The following MYBPC3 variants were observed in gnomAD, a reference collection of about 807,000 sequenced individuals.
The protein encoded by MYBPC3 is myosin-binding protein C, cardiac-type.
A neutral mutation model predicts 159.3 loss-of-function variants in MYBPC3; 108 were observed. The ratio of observed to expected loss-of-function variants is 0.68; its 90% CI spans 0.58 to 0.80. MYBPC3 has a LOEUF of 0.80. Ranked by LOEUF, MYBPC3 falls within the 30% of genes least tolerant of loss-of-function variation. MYBPC3 has a pLI of 0.00. For missense variants in MYBPC3, 1,631 were observed against 1,762.1 expected, an observed-to-expected ratio of 0.93 and a Z score of 1.33; for synonymous variants, 730 against 702.0, an observed-to-expected ratio of 1.04 and a Z score of -0.63.
rs201598879 is a variant in MYBPC3, at chr11:47,334,565, C to CT, written c.2905+476dup. The stretch of plus-strand genomic sequence containing the variant: ...ATACACCAAGAGAGCCCTTTCTGCA[C>CT]TTTTTTTTTTTTTGAGACGTTGTCT... On this transcript the variant is annotated intron_variant, in intron 27 of 34. Transcript: ENST00000545968. Among the ~76,000 whole-genome samples the CT allele has an allele frequency of 3.9e-3, 565 of 145,620 alleles. 1 individual carries two copies. The highest frequency in any genetic ancestry group is 0.011 in the Middle Eastern group (3 of 280).
chr11:47,334,513 T>G (rs766237041), intron 27 of MYBPC3, among the ~76,000 whole-genome samples: 1 of 151,782 alleles, frequency 6.6e-6, no homozygotes, highest in Non-Finnish European at 1.5e-5. Context: ...GCTTTTACTT[T>G]CCCTGTTCCA....
Position 47,335,123 on chromosome 11 carries a change from A to G in MYBPC3, c.2824T>C (p.Phe942Leu). 1 of 1,612,526 alleles carries G rather than the reference A, an allele frequency of 6.2e-7. No homozygotes were observed. Among genetic ancestry groups the G allele is most frequent in the Non-Finnish European group, 8.5e-7 (1 of 1,179,204 alleles). The change falls in exon 27 of 35, where the codon TTC (phenylalanine) becomes CTC (leucine). Residue 942 changes from phenylalanine (F) to leucine (L), a missense_variant. By Grantham distance (22) the Phe-to-Leu change is conservative (BLOSUM62 0). Transcript: ENST00000545968. ...GCCATATTGTGTGCCCGCACTCGGA[A>G]AAGCAGCCGGGCCCCCGTGGGCAGG... ...KDLPTGARLL[F>L]RVRAHNMAGP...
intron 2 of MYBPC3, 23 bp from the exon 3 acceptor site, chr11:47,350,638 C>A: frequency 6.9e-7 from 1 of 1,454,276 alleles, no homozygotes; most frequent in Non-Finnish European, 9.0e-7. Context: ...AGATGGGAGT[C>A]GTGGTGCAGC....
At chr11:47,349,634 C>A (rs1263657179) in intron 5 of MYBPC3, 140 bp downstream of exon 5, 4 of 1,278,938 alleles carry the variant, frequency 3.1e-6, no homozygotes, top group Non-Finnish European at 4.2e-6. Context: ...GGCCCCTCCA[C>A]CTGCCTCCCA....
intron 25 of MYBPC3, among the ~76,000 whole-genome samples, chr11:47,336,958 T>A (rs891093514): frequency 1.3e-5 from 2 of 152,300 alleles, no homozygotes; most frequent in African/African-American, 4.8e-5. Context: ...CTACAGCCCT[T>A]GCCCCATCCC....
chr11:47,337,933 G>C, intron 23 of MYBPC3, 139 bp from the exon 24 acceptor site: 1 of 597,956 alleles, frequency 1.7e-6, no homozygotes, highest in East Asian at 3.0e-5. Flanking sequence ...TTTCTAGAAT[G>C]CATTTCTTTC....
intron 9 of MYBPC3, 118 bp downstream of exon 9, chr11:47,347,308 G>GA (rs1182207673): frequency 6.5e-7 from 1 of 1,536,660 alleles, no homozygotes; most frequent in African/African-American, 1.4e-5. Flanking sequence ...GACAGACAAG[G>GA]AAACCAACTC....
At position 47,346,144 on chromosome 11, in the gene MYBPC3, C is replaced by G; in HGVS notation, c.1090+63G>C. Reference sequence around the variant, plus strand: ...GGGGAAGGGCTAACCTATGCCCTCTCCTCTCCTGTGTAGGGAAGGGCTAGC... The same window carrying G: ...GGGGAAGGGCTAACCTATGCCCTCTGCTCTCCTGTGTAGGGAAGGGCTAGC... On this transcript the variant is annotated intron_variant, in intron 12 of 34. Coordinates refer to ENST00000545968, the MANE Select transcript of MYBPC3 (RefSeq NM_000256.3). The surrounding 1 kb of genome is among the most constrained non-coding windows in gnomAD (Gnocchi z 5.3). 1 of 1,600,666 alleles carries G rather than the reference C, an allele frequency of 6.2e-7. No individual in the cohort carries two copies. Among genetic ancestry groups the G allele is most frequent in the Non-Finnish European group, 8.5e-7 (1 of 1,172,780 alleles).
At chr11:47,348,624 G>A (rs527992361) in intron 5 of MYBPC3, 83 bp from the exon 6 acceptor site, 1 of 1,110,000 alleles carries the variant, frequency 9.0e-7, no homozygotes, top group Non-Finnish European at 1.3e-6. Context: ...GACTGGGAGT[G>A]GCCGGGCGCG....
intron 20 of MYBPC3, among the ~76,000 whole-genome samples, chr11:47,340,483 T>C (rs371798445): frequency 1.3e-5 from 2 of 152,180 alleles, no homozygotes; most frequent in East Asian, 3.9e-4. Flanking sequence ...GCTAACATGG[T>C]GAAACCCCGT....
chr11:47,344,003 G>A (rs527431153), intron 12 of MYBPC3, among the ~76,000 whole-genome samples: 54 of 152,248 alleles, frequency 3.5e-4, no homozygotes, highest in South Asian at 1.2e-3. Context: ...TGGCCGGGCT[G>A]GTCTTGAAAT....
In MYBPC3 at chr11:47,352,568, A is replaced by G. The variant is rs1478202315; in HGVS notation, c.25+55T>C. 1.0e-5 allele frequency: 16 copies of G among 1,596,246 alleles called. No individual in the cohort carries two copies. In the East Asian group the frequency reaches 1.7e-4, roughly 16 times the overall value. On this transcript the variant is annotated intron_variant, in intron 1 of 34. Coordinates refer to ENST00000545968, the MANE Select transcript of MYBPC3 (RefSeq NM_000256.3). ...AACTCCCTCCTAGCCCTGCTCCCCA[A>G]TTGTAGACACCCCCCTGCTCCCACA...
chr11:47,333,315 T>G lies in MYBPC3; in HGVS notation c.3209A>C (p.Gln1070Pro). 1 of 1,583,908 alleles carries G rather than the reference T, an allele frequency of 6.3e-7. No individual in the cohort carries two copies. Among genetic ancestry groups the G allele is most frequent in the African/African-American group, 1.3e-5 (1 of 74,416 alleles). ...CCAGGCGTCAGTCACCCGGAGATCCTGGGGAGGACTTGGCTTGTCTGCGGG... is the reference window on the plus strand; with the variant it reads ...CCAGGCGTCAGTCACCCGGAGATCCGGGGGAGGACTTGGCTTGTCTGCGGG... ...LQVVDKPSPP[Q>P]DLRVTDAWGL... is the part of the protein sequence containing the mutation. Residue 1070 changes from glutamine (Q) to proline (P), a missense_variant, in exon 30 of 35, where the codon CAG becomes CCG. Physicochemically the swap from Gln to Pro is moderately conservative, Grantham distance 76. Coordinates refer to ENST00000545968, the MANE Select transcript of MYBPC3 (RefSeq NM_000256.3).
At position 47,347,854 on chromosome 11, in the gene MYBPC3, C is replaced by T. The variant is rs727503213; in HGVS notation, c.821+3G>A. 5.1e-6 allele frequency: 8 copies of T among 1,564,282 alleles called. No individual in the cohort carries two copies. In the East Asian group the frequency reaches 1.2e-4, roughly 23 times the overall value. On this transcript the variant is annotated splice_donor_region_variant and intron_variant, in intron 7 of 34. Transcript: ENST00000545968. ...CCCCCAGGCCCTGAGGATGGCCACT[C>T]ACGTGCGGCGGAAGGCTGATAGGAG...
At position 47,350,220 on chromosome 11, in the gene MYBPC3, T is replaced by C. The variant is rs1043416746; in HGVS notation, c.407-108A>G. 2.3e-6 allele frequency: 3 copies of C among 1,291,182 alleles called. No individual in the cohort carries two copies. The African/African-American group carries it at 4.4e-5, about 19-fold the overall frequency. 80.0% of individuals were successfully genotyped at this position (1,291,182 alleles called of 1,614,324 possible). A position where few individuals can be genotyped will look rare whatever the true frequency, so the allele number is the denominator to read the frequency against. ...CTCACTGCAAGCTCCGCCTCCCAGG[T>C]TCACACCATTCTCCTGCCTCAGCCT... is the stretch of plus-strand genomic sequence containing the variant. On this transcript the variant is annotated intron_variant, in intron 3 of 34. Transcript: ENST00000545968.
At chr11:47,348,686 A>G in intron 5 of MYBPC3, 145 bp from the exon 6 acceptor site, 6 of 576,220 alleles carry the variant, frequency 1.0e-5, no homozygotes, top group East Asian at 9.1e-5. Context: ...GGCGGATCAC[A>G]TAAGACCAGG....
Position 47,341,173 on chromosome 11 carries a change from A to ACCACCG in MYBPC3, c.1861_1862insCGGTGG (p.Phe621delinsSerValVal). 1.9e-6 allele frequency: 3 copies of ACCACCG among 1,592,018 alleles called. No homozygotes were observed. The highest frequency in any genetic ancestry group is 1.3e-5 in the African/African-American group (1 of 74,204). ...GAGCTTGGCTGACAGGTTGCAGGCGAAGCCCTCGGGCACAAAGCTGTAGTC... is the reference window on the plus strand; with the variant it reads ...GAGCTTGGCTGACAGGTTGCAGGCGACCACCGAGCCCTCGGGCACAAAGCTGTAGTC... On this transcript the variant is annotated protein_altering_variant, in exon 19 of 35. Transcript: ENST00000545968.
At chr11:47,349,094 C>T (rs1811439530) in intron 5 of MYBPC3, among the ~76,000 whole-genome samples, 1 of 151,260 alleles carries the variant, frequency 6.6e-6, no homozygotes, top group East Asian at 1.9e-4. Context: ...CAATGCACAG[C>T]CCCGCACAGC....
rs2142851301 is a variant in MYBPC3 at position 47,333,551 on chromosome 11, A to T, written c.3190+6T>A. Reference sequence around the variant, plus strand: ...AAGGGGGCTCAAGGAGGCCTTGGCCACGCACCAACAACCTGCAGCACCAGC... The same window carrying T: ...AAGGGGGCTCAAGGAGGCCTTGGCCTCGCACCAACAACCTGCAGCACCAGC... On this transcript the variant is annotated splice_donor_region_variant and intron_variant, in intron 29 of 34. Coordinates refer to ENST00000545968, the MANE Select transcript of MYBPC3 (RefSeq NM_000256.3). 1 of 1,599,810 alleles carries T rather than the reference A, an allele frequency of 6.3e-7. No individual in the cohort carries two copies. The highest frequency in any genetic ancestry group is 1.3e-5 in the African/African-American group (1 of 75,060).
Sources: allele counts gnomAD v4.1 joint callset (sites outside exome capture counted in the v4.1 genomes callset), GRCh38; gene constraint gnomAD v4.1.1; non-coding constraint Gnocchi (gnomAD v3.1); transcripts MANE v1.5; gene names NCBI Gene and HGNC (gene_info 2026-07-23, HGNC 2026-07-21).